KAZN: variants seen among roughly 807,000 people sequenced by gnomAD.
The protein encoded by KAZN is kazrin.
KAZN carries 40 observed loss-of-function variants against 87.4 expected under a neutral mutation model. The ratio of observed to expected loss-of-function variants is 0.46; its 90% CI spans 0.36 to 0.60. The LOEUF (loss-of-function observed/expected upper bound fraction) is 0.60, where lower values mean the gene tolerates loss of function less well. Among genes scored for constraint, KAZN ranks in the 20% least tolerant of loss-of-function variants. KAZN has a pLI of 0.00. For synonymous variants in KAZN, 466 were observed against 458.3 expected (o/e 1.02, Z -0.22); for missense variants, 898 against 1,073.9 (o/e 0.84, Z 2.29).
intron 1 of KAZN, among the ~76,000 whole-genome samples, chr1:14,606,303 C>T (rs985041193): frequency 6.6e-6 from 1 of 152,170 alleles, no homozygotes; most frequent in African/African-American, 2.4e-5. Context: ...CTTGTCTCTA[C>T]TCCTGATTAA....
At chr1:14,789,751 C>A (rs1231445240) in intron 1 of KAZN, among the ~76,000 whole-genome samples, 2 of 108,210 alleles carry the variant, frequency 1.8e-5, no homozygotes, top group Non-Finnish European at 3.4e-5. Context: ...ACTCTAAGCT[C>A]CTCATTACCA....
chr1:14,243,474 G>T (rs1042850180), intron 2 of KAZN, among the ~76,000 whole-genome samples: 3 of 152,152 alleles, frequency 2.0e-5, no homozygotes, highest in African/African-American at 7.2e-5. Flanking sequence ...CGTGGCGATG[G>T]TCGGTTTTGG....
At chr1:14,122,415 T>C (rs895255508) in intron 1 of KAZN, among the ~76,000 whole-genome samples, 1 of 152,156 alleles carries the variant, frequency 6.6e-6, no homozygotes, top group Non-Finnish European at 1.5e-5. Context: ...AGTGCCTTCT[T>C]GAATGAGCAC....
intron 1 of KAZN, among the ~76,000 whole-genome samples, chr1:14,171,287 A>T (rs1300024525): frequency 6.6e-6 from 1 of 152,242 alleles, no homozygotes; most frequent in Non-Finnish European, 1.5e-5. Context: ...CTTGTTTTCA[A>T]TTCTTTTGCT....
intron 2 of KAZN, among the ~76,000 whole-genome samples, chr1:14,430,355 G>A (rs1323269805): frequency 6.6e-6 from 1 of 151,862 alleles, no homozygotes; most frequent in Non-Finnish European, 1.5e-5. Flanking sequence ...CCAGATTCAC[G>A]AATGTACCCC....
At chr1:14,093,462 G>A (rs1203595009) in intron 1 of KAZN, among the ~76,000 whole-genome samples, 1 of 152,186 alleles carries the variant, frequency 6.6e-6, no homozygotes, top group Admixed American at 6.5e-5. Context: ...AATAGAATAT[G>A]CTAAATAGTT....
intron 1 of KAZN, among the ~76,000 whole-genome samples, chr1:14,921,255 C>A (rs1026390694): frequency 1.3e-5 from 2 of 151,990 alleles, no homozygotes; most frequent in African/African-American, 4.8e-5. Context: ...AGGGTTGTGG[C>A]CTTACGAAGC....
intron 1 of KAZN, among the ~76,000 whole-genome samples, chr1:14,008,524 A>G (rs1640137333): frequency 6.6e-6 from 1 of 152,236 alleles, no homozygotes; most frequent in Non-Finnish European, 1.5e-5. Flanking sequence ...TGTGTGTCAA[A>G]CCCAGAGTCG....
chr1:14,811,192 TC>T (rs1394998360), intron 1 of KAZN, among the ~76,000 whole-genome samples: 2 of 152,346 alleles, frequency 1.3e-5, no homozygotes, highest in African/African-American at 2.4e-5. Flanking sequence ...TGGTGCTTTT[TC>T]TTCCCCACCC....
At chr1:14,188,194 CGTGTGT>C (rs3033865) in intron 2 of KAZN, among the ~76,000 whole-genome samples, 19,131 of 140,020 alleles carry the variant, frequency 0.14, 1,595 homozygotes, top group Non-Finnish European at 0.2. Flanking sequence ...GAGAGAGGAG[CGTGTGT>C]GTGTGTGTGT....
intron 1 of KAZN, among the ~76,000 whole-genome samples, chr1:14,104,713 C>G (rs892955030): frequency 6.6e-6 from 1 of 152,206 alleles, no homozygotes; most frequent in Non-Finnish European, 1.5e-5. Context: ...TTCTGTTTAG[C>G]AGTTCCCATG....
intron 2 of KAZN, among the ~76,000 whole-genome samples, chr1:14,277,203 T>A (rs1652430521): frequency 1.3e-5 from 2 of 152,200 alleles, no homozygotes; most frequent in Admixed American, 6.5e-5. Flanking sequence ...AATTGTATTT[T>A]GTCTATTACA....
At position 14,565,029 on chromosome 1, in the gene KAZN, A is replaced by G. The variant is rs189007418; in HGVS notation, c.250-33954A>G. ...AGAAGGAGAAACGAAAAAAATTATT[A>G]TGAAGCTTTGCATACACCAAAAGTG... On this transcript the variant is annotated intron_variant, in intron 2 of 16. Transcript: ENST00000636203. Among the ~76,000 whole-genome samples, 61 of 152,216 alleles carry G rather than the reference A, an allele frequency of 4.0e-4. 1 individual carries two copies. The highest frequency in any genetic ancestry group is 6.8e-3 in the Middle Eastern group (2 of 294).
chr1:14,383,669 ATC>A (rs935564171), intron 2 of KAZN, among the ~76,000 whole-genome samples: 6 of 151,732 alleles, frequency 4.0e-5, no homozygotes, highest in African/African-American at 9.7e-5. Context: ...TGTTCCATTG[ATC>A]TCTCTCTCTG....
At chr1:14,415,424 G>A (rs892896547) in intron 2 of KAZN, among the ~76,000 whole-genome samples, 3 of 152,154 alleles carry the variant, frequency 2.0e-5, no homozygotes, top group African/African-American at 4.8e-5. Context: ...TATGATAGAT[G>A]GGGCCACTGT....
At chr1:14,164,478 G>GTGTGTGTGTGTGTT (rs1329285017) in intron 1 of KAZN, among the ~76,000 whole-genome samples, 1 of 149,654 alleles carries the variant, frequency 6.7e-6, no homozygotes, top group African/African-American at 2.5e-5. Context: ...GTGTGTGTGT[G>GTGTGTGTGTGTGTT]TGTTTGTAAA....
At chr1:14,280,120 C>T (rs554702095) in intron 2 of KAZN, among the ~76,000 whole-genome samples, 9 of 151,960 alleles carry the variant, frequency 5.9e-5, no homozygotes, top group East Asian at 5.8e-4. Flanking sequence ...CCCAGCGCTT[C>T]GGGAGGCTGA....
chr1:14,500,378 G>A (rs1218200636), intron 2 of KAZN, among the ~76,000 whole-genome samples: 1 of 151,952 alleles, frequency 6.6e-6, no homozygotes, highest in Non-Finnish European at 1.5e-5. Context: ...AACTTTACTT[G>A]TTTTATTTCT....
chr1:14,102,889 T>C (rs1238319506), intron 1 of KAZN, among the ~76,000 whole-genome samples: 2 of 151,396 alleles, frequency 1.3e-5, no homozygotes, highest in African/African-American at 4.9e-5. Flanking sequence ...CTTCCCTCTG[T>C]ACACATTTGA....
Sources: allele counts gnomAD v4.1 joint callset (sites outside exome capture counted in the v4.1 genomes callset), GRCh38; gene constraint gnomAD v4.1.1; transcripts MANE v1.5; gene names NCBI Gene and HGNC (gene_info 2026-07-23, HGNC 2026-07-21).